Variants in TTC29 observed in about 807,000 individuals in gnomAD.
The protein encoded by TTC29 is tetratricopeptide repeat protein 29.
A neutral mutation model predicts 58.1 loss-of-function variants in TTC29; 49 were observed. The ratio of observed to expected loss-of-function variants is 0.84; its 90% CI spans 0.67 to 1.07. The LOEUF (loss-of-function observed/expected upper bound fraction) is 1.07. TTC29 is among the 50% of genes least tolerant of loss of function. The probability of loss-of-function intolerance (pLI) is 0.00; values close to 1 mark genes in which losing one functional copy is unlikely to be tolerated. For synonymous variants in TTC29, 209 were observed against 196.8 expected, an observed-to-expected ratio of 1.06 and a Z score of -0.52; for missense variants, 582 against 555.6, an observed-to-expected ratio of 1.05 and a Z score of -0.48.
At chr4:146,707,599 A>T in intron 11 of TTC29, 48 bp from the exon 12 acceptor site, 1 of 1,372,436 alleles carries the variant, frequency 7.3e-7, no homozygotes, top group Non-Finnish European at 1.0e-6. Context: ...AACACAGTTT[A>T]TAGTTATTTT....
chr4:146,915,382 G>A (rs1290874301), intron 4 of TTC29, among the ~76,000 whole-genome samples: 2 of 151,994 alleles, frequency 1.3e-5, no homozygotes, highest in African/African-American at 4.8e-5. Flanking sequence ...CCATGTTTAG[G>A]TTGGGTTGGA....
At chr4:146,743,159 T>C (rs188944683) in intron 11 of TTC29, among the ~76,000 whole-genome samples, 1 of 152,068 alleles carries the variant, frequency 6.6e-6, no homozygotes, top group African/African-American at 2.4e-5. Context: ...ACACTTTTTT[T>C]AAAAAGAAAA....
intron 9 of TTC29, among the ~76,000 whole-genome samples, chr4:146,825,787 T>C (rs1727749857): frequency 6.6e-6 from 1 of 152,254 alleles, no homozygotes; most frequent in African/African-American, 2.4e-5. Context: ...TGGGTGCTCC[T>C]GCATTGGGTG....
At chr4:146,728,169 C>G (rs1743929407) in intron 11 of TTC29, among the ~76,000 whole-genome samples, 1 of 151,902 alleles carries the variant, frequency 6.6e-6, no homozygotes, top group Admixed American at 6.6e-5. Flanking sequence ...CACCTATAAT[C>G]CCAGCTACTC....
At chr4:146,821,083 T>C (rs1381300121) in intron 9 of TTC29, among the ~76,000 whole-genome samples, 2 of 149,954 alleles carry the variant, frequency 1.3e-5, no homozygotes, top group Non-Finnish European at 3.0e-5. Context: ...AACTTGAAAA[T>C]ATGCTAAGTG....
intron 8 of TTC29, among the ~76,000 whole-genome samples, chr4:146,851,443 G>T (rs1012409283): frequency 3.3e-5 from 5 of 152,128 alleles, no homozygotes; most frequent in Non-Finnish European, 7.4e-5. Context: ...AGAAAATTAA[G>T]ATTGATGAAA....
At chr4:146,865,897 T>C (rs571421415) in intron 8 of TTC29, among the ~76,000 whole-genome samples, 3 of 152,274 alleles carry the variant, frequency 2.0e-5, no homozygotes, top group Admixed American at 6.5e-5. Context: ...CTGCCAATCA[T>C]ACCTCAATAA....
intron 11 of TTC29, among the ~76,000 whole-genome samples, chr4:146,717,963 C>T (rs1327551740): frequency 2.6e-5 from 4 of 152,014 alleles, no homozygotes; most frequent in Admixed American, 2.6e-4. Flanking sequence ...TTTTAGATTC[C>T]AATATAAGTG....
At chr4:146,805,903 G>A (rs1750578749) in intron 10 of TTC29, among the ~76,000 whole-genome samples, 1 of 151,856 alleles carries the variant, frequency 6.6e-6, no homozygotes, top group Admixed American at 6.6e-5. Flanking sequence ...AAAACTCTTC[G>A]AGAAGAGCAA....
chr4:146,808,452 C>T (rs1235055317), intron 10 of TTC29, among the ~76,000 whole-genome samples: 1 of 152,186 alleles, frequency 6.6e-6, no homozygotes. Context: ...GTCAAATTGT[C>T]TCTGTTTGCA....
intron 6 of TTC29, among the ~76,000 whole-genome samples, chr4:146,882,766 G>A (rs1046553596): frequency 3.9e-5 from 6 of 152,062 alleles, no homozygotes; most frequent in Admixed American, 1.3e-4. Flanking sequence ...AGAGTGAGGA[G>A]AGTTAACTTT....
chr4:146,806,764 C>CT (rs1320920180), intron 10 of TTC29, among the ~76,000 whole-genome samples: 1 of 152,106 alleles, frequency 6.6e-6, no homozygotes, highest in African/African-American at 2.4e-5. Flanking sequence ...TACAAAGAGA[C>CT]TTAGACTCCC....
chr4:146,778,993 A>G (rs111524192), intron 11 of TTC29, among the ~76,000 whole-genome samples: 17 of 126,878 alleles, frequency 1.3e-4, no homozygotes, highest in South Asian at 7.6e-4. Context: ...AAAAAAAAAA[A>G]AAAAAAAAAA....
rs376715662 is a variant in TTC29, at chr4:146,894,797, G to A, written c.586+8747C>T. On this transcript the variant is annotated intron_variant, in intron 6 of 12. Coordinates refer to ENST00000325106, the MANE Select transcript of TTC29 (RefSeq NM_031956.4). ...TATGCTGTGTTCAGTGTTGACAACC[G>A]TAACTATTGTGCCTACTCCTTTGAT... Among the ~76,000 whole-genome samples, 22 of 152,188 alleles carry A rather than the reference G, an allele frequency of 1.4e-4. No individual in the cohort carries two copies. In the East Asian group the frequency reaches 2.7e-3, roughly 19 times the overall value.
intron 4 of TTC29, among the ~76,000 whole-genome samples, chr4:146,917,142 T>C (rs187727011): frequency 2.0e-5 from 3 of 151,126 alleles, no homozygotes; most frequent in Non-Finnish European, 4.5e-5. Flanking sequence ...TTAATTTAAT[T>C]ATTACATGTT....
chr4:146,930,084 C>CGTATATATAT (rs777130712), intron 4 of TTC29, among the ~76,000 whole-genome samples: 2 of 77,462 alleles, frequency 2.6e-5, no homozygotes, highest in African/African-American at 5.0e-5. Context: ...TGTGTGTGTG[C>CGTATATATAT]ATATATATAT....
chr4:146,862,476 CA>C (rs1411398491), intron 8 of TTC29, among the ~76,000 whole-genome samples: 2 of 151,998 alleles, frequency 1.3e-5, no homozygotes, highest in African/African-American at 2.4e-5. Context: ...AAAGGAGATT[CA>C]ATTGAAAATT....
intron 11 of TTC29, among the ~76,000 whole-genome samples, chr4:146,728,417 T>G (rs1377825162): frequency 2.0e-5 from 3 of 151,958 alleles, no homozygotes; most frequent in Admixed American, 6.6e-5. Context: ...TACACATATA[T>G]AAGGCTTTTA....
At chr4:146,782,245 A>T (rs1748670929) in intron 11 of TTC29, among the ~76,000 whole-genome samples, 1 of 151,714 alleles carries the variant, frequency 6.6e-6, no homozygotes, top group African/African-American at 2.4e-5. Flanking sequence ...CTTGTCTTCT[A>T]CTAGTCCCTT....
Sources: allele counts gnomAD v4.1 joint callset (sites outside exome capture counted in the v4.1 genomes callset), GRCh38; gene constraint gnomAD v4.1.1; transcripts MANE v1.5; gene names NCBI Gene and HGNC (gene_info 2026-07-23, HGNC 2026-07-21).